FRMD4A: variants seen among roughly 807,000 people sequenced by gnomAD.
FRMD4A encodes FERM domain containing 4A.
In FRMD4A, 29 loss-of-function variants were observed where a neutral mutation model predicts 129.1. The ratio of observed to expected loss-of-function variants is 0.22; its 90% CI spans 0.17 to 0.31. The LOEUF (loss-of-function observed/expected upper bound fraction) is 0.31, where lower values mean the gene tolerates loss of function less well. Ranked by LOEUF, FRMD4A falls within the 10% of genes least tolerant of loss-of-function variation. FRMD4A has a pLI of 1.00. For synonymous variants in FRMD4A, 634 were observed against 571.6 expected, an observed-to-expected ratio of 1.11 and a Z score of -1.56; for missense variants, 1,272 against 1,375.8, an observed-to-expected ratio of 0.92 and a Z score of 1.19.
At chr10:14,273,559 T>C (rs1845237513) in intron 2 of FRMD4A, among the ~76,000 whole-genome samples, 2 of 152,208 alleles carry the variant, frequency 1.3e-5, no homozygotes, top group Admixed American at 1.3e-4. Flanking sequence ...CTGCTCATCT[T>C]TTCAGATTGG....
intron 4 of FRMD4A, among the ~76,000 whole-genome samples, chr10:13,803,438 CT>C (rs1237674635): frequency 1.3e-5 from 2 of 152,168 alleles, no homozygotes; most frequent in Non-Finnish European, 2.9e-5. Flanking sequence ...CTCAAGTGAT[CT>C]TCCCATCTCA....
At chr10:13,739,146 G>A (rs899783838) in intron 11 of FRMD4A, among the ~76,000 whole-genome samples, 6 of 152,178 alleles carry the variant, frequency 3.9e-5, no homozygotes, top group Non-Finnish European at 8.8e-5. Context: ...ATATTTGTGG[G>A]GCGTGAGTTA....
In FRMD4A at chr10:13,657,533, A is replaced by G. The variant is rs1416275851; in HGVS notation, c.2067-11T>C. On this transcript the variant is annotated splice_polypyrimidine_tract_variant and intron_variant, in intron 21 of 24. Transcript: ENST00000357447. ...CTGATGTCCACCGACCTGCCGGGAG[A>G]CGACCCGGGTTGGTCTGGGGGTGGG... is the stretch of plus-strand genomic sequence containing the variant. 9 of 1,529,812 alleles carry G rather than the reference A, an allele frequency of 5.9e-6. No individual in the cohort carries two copies. Among genetic ancestry groups the G allele is most frequent in the Non-Finnish European group, 7.9e-6 (9 of 1,136,486 alleles). 94.8% of individuals were successfully genotyped at this position (1,529,812 alleles called of 1,614,324 possible).
At chr10:14,116,387 G>A (rs1257759262) in intron 2 of FRMD4A, among the ~76,000 whole-genome samples, 3 of 152,216 alleles carry the variant, frequency 2.0e-5, no homozygotes, top group Non-Finnish European at 2.9e-5. Flanking sequence ...ATCACATTGA[G>A]CCCATTGGAA....
intron 3 of FRMD4A, among the ~76,000 whole-genome samples, chr10:13,813,183 G>A (rs573290556): frequency 2.1e-4 from 32 of 152,356 alleles, no homozygotes; most frequent in Admixed American, 1.3e-3. Context: ...CATGGCTCAC[G>A]CCTGTAATCC....
chr10:14,294,764 G>A (rs1259809436), intron 2 of FRMD4A, among the ~76,000 whole-genome samples: 3 of 152,186 alleles, frequency 2.0e-5, no homozygotes, highest in Admixed American at 2.0e-4. Context: ...TAAAAAACAC[G>A]AGCTTTATTA....
At chr10:13,672,360 T>A (rs181503755) in intron 16 of FRMD4A, among the ~76,000 whole-genome samples, 2 of 152,338 alleles carry the variant, frequency 1.3e-5, no homozygotes, top group Admixed American at 6.5e-5. Context: ...AACTTTTTTT[T>A]AATCTGCTTC....
At chr10:14,106,152 A>T (rs185693925) in intron 2 of FRMD4A, among the ~76,000 whole-genome samples, 2 of 152,312 alleles carry the variant, frequency 1.3e-5, no homozygotes, top group Non-Finnish European at 1.5e-5. Flanking sequence ...CATCATCCAA[A>T]TGTGACTGAT....
At chr10:14,031,461 G>T (rs57207186) in intron 2 of FRMD4A, among the ~76,000 whole-genome samples, 20,198 of 151,910 alleles carry the variant, frequency 0.13, 1,707 homozygotes, top group African/African-American at 0.24. Context: ...AGAGATGGGG[G>T]TTCACCATGT....
rs114957876 is a variant in FRMD4A at position 14,159,760 on chromosome 10, C to T, written c.45+170298G>A. On this transcript the variant is annotated intron_variant, in intron 2 of 24. Coordinates refer to ENST00000357447, the MANE Select transcript of FRMD4A (RefSeq NM_018027.5). ...CACCTGATGGAACTTCAAAATATAC[C>T]AAATGCTGGCTGGGCACAGTGACTC... 2.1e-3 allele frequency among the ~76,000 whole-genome samples: 324 copies of T among 152,176 alleles called. 1 individual carries two copies. Among genetic ancestry groups the T allele is most frequent in the African/African-American group, 6.9e-3 (286 of 41,532 alleles).
chr10:14,271,326 G>A (rs1468286705), intron 2 of FRMD4A, among the ~76,000 whole-genome samples: 1 of 152,234 alleles, frequency 6.6e-6, no homozygotes, highest in African/African-American at 2.4e-5. Flanking sequence ...CCAGGTCCGG[G>A]TTGCAGGTGG....
At chr10:14,037,428 G>C (rs1403504225) in intron 2 of FRMD4A, among the ~76,000 whole-genome samples, 2 of 152,154 alleles carry the variant, frequency 1.3e-5, no homozygotes, top group Admixed American at 1.3e-4. Context: ...ATGTTGGCCA[G>C]GCTGGTCTTG....
At chr10:13,882,017 G>GA (rs2094552854) in intron 2 of FRMD4A, among the ~76,000 whole-genome samples, 1 of 81,738 alleles carries the variant, frequency 1.2e-5, no homozygotes. Context: ...GTGTGTGTGT[G>GA]TGTGTGTGTG....
chr10:13,936,935 A>T (rs1224304300), intron 2 of FRMD4A, among the ~76,000 whole-genome samples: 1 of 152,242 alleles, frequency 6.6e-6, no homozygotes, highest in Non-Finnish European at 1.5e-5. Flanking sequence ...AATAGTCTTG[A>T]CATTTCTTTC....
At position 13,748,140 on chromosome 10, in the gene FRMD4A, T is replaced by C. The variant is rs181368236; in HGVS notation, c.465-321A>G. The stretch of plus-strand genomic sequence containing the variant: ...CCCCTGAGCAGCCCTCAGCAGGAAT[T>C]TGGGGAGAAGAAGTGTCCCCAGGGG... On this transcript the variant is annotated intron_variant, in intron 8 of 24. Coordinates refer to ENST00000357447, the MANE Select transcript of FRMD4A (RefSeq NM_018027.5). Among the ~76,000 whole-genome samples the C allele has an allele frequency of 1.5e-3, 230 of 152,198 alleles. 2 individuals carry two copies. Among genetic ancestry groups the C allele is most frequent in the African/African-American group, 5.0e-3 (208 of 41,522 alleles).
At chr10:13,762,708 C>T in intron 6 of FRMD4A, 28 bp from the exon 7 acceptor site, 1 of 1,521,600 alleles carries the variant, frequency 6.6e-7, no homozygotes, top group Non-Finnish European at 9.1e-7. Flanking sequence ...CAAACGAAGA[C>T]AAGTTTGGTA....
intron 2 of FRMD4A, among the ~76,000 whole-genome samples, chr10:13,862,944 T>C (rs1233098404): frequency 6.6e-6 from 1 of 150,830 alleles, no homozygotes; most frequent in Non-Finnish European, 1.5e-5. Flanking sequence ...TTTTGTTTTT[T>C]TTTTTGTTTC....
At chr10:14,071,745 G>A (rs1293229469) in intron 2 of FRMD4A, among the ~76,000 whole-genome samples, 2 of 152,058 alleles carry the variant, frequency 1.3e-5, no homozygotes, top group African/African-American at 4.8e-5. Flanking sequence ...GAGAGGACCA[G>A]GTATGTGTGC....
chr10:13,683,072 G>T (rs1042174379), intron 15 of FRMD4A, among the ~76,000 whole-genome samples: 1 of 152,036 alleles, frequency 6.6e-6, no homozygotes, highest in Non-Finnish European at 1.5e-5. Flanking sequence ...AGGCTGGAGT[G>T]CAGTGGCGTG....
Sources: allele counts gnomAD v4.1 joint callset (sites outside exome capture counted in the v4.1 genomes callset), GRCh38; gene constraint gnomAD v4.1.1; transcripts MANE v1.5; gene names NCBI Gene and HGNC (gene_info 2026-07-23, HGNC 2026-07-21).